TRIM59: variants seen among roughly 807,000 people sequenced by gnomAD.
The protein encoded by TRIM59 is tripartite motif containing 59, also known as tripartite motif-containing protein 59.
A neutral mutation model predicts 32.2 loss-of-function variants in TRIM59; 14 were observed. That is an observed-to-expected ratio of 0.43 (90% CI 0.29 to 0.68). The LOEUF (loss-of-function observed/expected upper bound fraction) is 0.68. Ranked by LOEUF, TRIM59 falls within the 30% of genes least tolerant of loss-of-function variation. The probability of loss-of-function intolerance (pLI) is 0.15; values close to 1 mark genes in which losing one functional copy is unlikely to be tolerated. For synonymous variants in TRIM59, 163 were observed against 155.1 expected, an observed-to-expected ratio of 1.05 and a Z score of -0.38; for missense variants, 471 against 463.3, an observed-to-expected ratio of 1.02 and a Z score of -0.15.
Position 160,437,914 on chromosome 3 carries a change from C to G in TRIM59, c.*58G>C. ...AGTTTGCTCTTTATCCATGCTACCC[C>G]ATTTTTTGTTTAGCAATGTACAGAA... On this transcript the variant is annotated 3_prime_UTR_variant, in exon 3 of 3. Coordinates refer to ENST00000309784, the MANE Select transcript of TRIM59 (RefSeq NM_173084.3). The G allele has an allele frequency of 6.9e-7, 1 of 1,439,596 alleles. No individual in the cohort carries two copies. The highest frequency in any genetic ancestry group is 9.1e-7 in the Non-Finnish European group (1 of 1,097,414). 89.2% of individuals were successfully genotyped at this position (1,439,596 alleles called of 1,614,324 possible).
chr3:160,443,797 G>A (rs1017006800), intron 2 of TRIM59, among the ~76,000 whole-genome samples: 1 of 151,968 alleles, frequency 6.6e-6, no homozygotes, highest in Non-Finnish European at 1.5e-5. Flanking sequence ...CCGCCACCAC[G>A]CCCAGCTAAT....
Position 160,437,825 on chromosome 3 carries a change from G to T in TRIM59, c.*147C>A. 1 of 1,279,658 alleles carries T rather than the reference G, an allele frequency of 7.8e-7. No individual in the cohort carries two copies. Among genetic ancestry groups the T allele is most frequent in the East Asian group, 3.0e-5 (1 of 33,398 alleles). 79.3% of individuals were successfully genotyped at this position (1,279,658 alleles called of 1,614,324 possible). On this transcript the variant is annotated 3_prime_UTR_variant, in exon 3 of 3. Coordinates refer to ENST00000309784, the MANE Select transcript of TRIM59 (RefSeq NM_173084.3). ...TCAGATATAACTTTGACATATCATT[G>T]CTAACCAAAAGAAGCAACAAATATA...
At chr3:160,449,417 C>T in intron 1 of TRIM59, 1 of 1,083,578 alleles carries the variant, frequency 9.2e-7, no homozygotes, top group Non-Finnish European at 1.2e-6. Context: ...CCTCGGCACC[C>T]GCCCGTCCCC....
At position 160,436,615 on chromosome 3, in the gene TRIM59, A is replaced by C. The variant is rs1432350385; in HGVS notation, c.*1357T>G. 1 of 726,680 alleles carries C rather than the reference A, an allele frequency of 1.4e-6. No individual in the cohort carries two copies. The highest frequency in any genetic ancestry group is 1.7e-6 in the Non-Finnish European group (1 of 593,372). 45.0% of individuals were successfully genotyped at this position (726,680 alleles called of 1,614,324 possible). A position where few individuals can be genotyped will look rare whatever the true frequency, so the allele number is the denominator to read the frequency against. On this transcript the variant is annotated 3_prime_UTR_variant, in exon 3 of 3. Transcript: ENST00000309784. ...AGATAGAGACCATCCTGGCTAACACAGTGAAACCCCATCTCTACTAAAAAT... is the reference window on the plus strand; with the variant it reads ...AGATAGAGACCATCCTGGCTAACACCGTGAAACCCCATCTCTACTAAAAAT...
chr3:160,437,012 A>T lies in TRIM59; in HGVS notation c.*960T>A. The T allele has an allele frequency of 5.1e-6, 5 of 984,820 alleles. No individual in the cohort carries two copies. Among genetic ancestry groups the T allele is most frequent in the Non-Finnish European group, 6.0e-6 (5 of 829,750 alleles). The allele number at this position is 984,820 out of a possible 1,614,324, so 61.0% of individuals were successfully genotyped here. ...GATTTGACTGACGAGCAGAAAAAAA[A>T]ACAATCTTAAATTTGCACAAACTAT... On this transcript the variant is annotated 3_prime_UTR_variant, in exon 3 of 3. Coordinates refer to ENST00000309784, the MANE Select transcript of TRIM59 (RefSeq NM_173084.3).
rs200991863 is a variant in TRIM59, at chr3:160,438,807, T to C, written c.377A>G (p.His126Arg). The C allele has an allele frequency of 6.9e-5, 111 of 1,613,782 alleles. No homozygotes were observed. Among genetic ancestry groups the C allele is most frequent in the Non-Finnish European group, 9.3e-5 (110 of 1,179,856 alleles). ...VCGHCLTIGQHHGHPIDDLQS... is the reference protein window; with the variant it reads ...VCGHCLTIGQRHGHPIDDLQS... The stretch of plus-strand genomic sequence containing the variant: ...AAGGTCATCTATAGGATGACCATGA[T>C]GTTGACCTATGGTAAGGCAATGACC... Residue 126 changes from histidine to arginine, a missense_variant, in exon 3 of 3, where the codon CAT (histidine) becomes CGT (arginine). His to Arg is a conservative substitution (Grantham distance 29, BLOSUM62 0). Coordinates refer to ENST00000309784, the MANE Select transcript of TRIM59 (RefSeq NM_173084.3).
chr3:160,438,365 T>G lies in TRIM59; in HGVS notation c.819A>C (p.Gln273His). 6.2e-7 allele frequency: 1 copy of G among 1,613,808 alleles called. No individual in the cohort carries two copies. Among genetic ancestry groups the G allele is most frequent in the Non-Finnish European group, 8.5e-7 (1 of 1,179,952 alleles). The stretch of plus-strand genomic sequence containing the variant: ...TTACTCGAGGATAAATTTCAACGGG[T>G]TGAACCTCAGGAAGTGGTCTTTGTT... ...ILKQRPLPEV[Q>H]PVEIYPRVSK... Residue 273 changes from glutamine (Q) to histidine (H), a missense_variant, in exon 3 of 3, where the codon CAA becomes CAC. By Grantham distance (24) the Gln-to-His change is conservative (BLOSUM62 0). Coordinates refer to ENST00000309784, the MANE Select transcript of TRIM59 (RefSeq NM_173084.3).
intron 2 of TRIM59, among the ~76,000 whole-genome samples, chr3:160,447,168 T>G (rs926421430): frequency 2.0e-5 from 3 of 152,232 alleles, no homozygotes; most frequent in Non-Finnish European, 4.4e-5. Context: ...TTAAAAAATT[T>G]TCAAGCGTCT....
chr3:160,444,687 G>A (rs539986922), intron 2 of TRIM59, among the ~76,000 whole-genome samples: 11 of 152,354 alleles, frequency 7.2e-5, no homozygotes, highest in African/African-American at 2.6e-4. Context: ...TAGTTTGGCA[G>A]GTTGCTGCCT....
rs981114499 is a variant in TRIM59, at chr3:160,449,763, C to T, written c.-120G>A. On this transcript the variant is annotated 5_prime_UTR_variant, in exon 1 of 3. Coordinates refer to ENST00000309784, the MANE Select transcript of TRIM59 (RefSeq NM_173084.3). ...GCAACTCCACAGCACGGAAACACAG[C>T]GCCACGAGCTCCAGGCGGATGCTGA... is the stretch of plus-strand genomic sequence containing the variant. 6 of 1,281,822 alleles carry T rather than the reference C, an allele frequency of 4.7e-6. No homozygotes were observed. The African/African-American group carries it at 6.1e-5, about 13-fold the overall frequency. 79.4% of individuals were successfully genotyped at this position (1,281,822 alleles called of 1,614,324 possible).
rs1305650720 is a variant in TRIM59 at position 160,436,338 on chromosome 3, T to A, written c.*1634A>T. On this transcript the variant is annotated 3_prime_UTR_variant, in exon 3 of 3. Coordinates refer to ENST00000309784, the MANE Select transcript of TRIM59 (RefSeq NM_173084.3). ...TGATATAGGTAAGGCTCTTCGGTGA[T>A]CCAAGAGCAGCCCCTTTGGGATTTC... 1.0e-6 allele frequency: 1 copy of A among 985,978 alleles called. No individual in the cohort carries two copies. The highest frequency in any genetic ancestry group is 1.2e-6 in the Non-Finnish European group (1 of 830,144). The allele number at this position is 985,978 out of a possible 1,614,324, so 61.1% of individuals were successfully genotyped here. A position where few individuals can be genotyped will look rare whatever the true frequency, so the allele number is the denominator to read the frequency against.
chr3:160,437,407 T>C lies in TRIM59; in HGVS notation c.*565A>G, dbSNP rs575514982. On this transcript the variant is annotated 3_prime_UTR_variant, in exon 3 of 3. Transcript: ENST00000309784. ...TCTAACAGTTATCCAAAAGCAATAG[T>C]TTTATTTGGAGTGAATGGTGATAAG... 127 of 985,426 alleles carry C rather than the reference T, an allele frequency of 1.3e-4. No individual in the cohort carries two copies. The African/African-American group carries it at 2.2e-3, about 17-fold the overall frequency. 61.0% of individuals were successfully genotyped at this position (985,426 alleles called of 1,614,324 possible). A position where few individuals can be genotyped will look rare whatever the true frequency, so the allele number is the denominator to read the frequency against.
chr3:160,437,456 T>A lies in TRIM59; in HGVS notation c.*516A>T. ...AGCATTTAGGGCTCTTAAATCTATC[T>A]CAAACACAGGTATGTTTGATCAAAA... On this transcript the variant is annotated 3_prime_UTR_variant, in exon 3 of 3. Transcript: ENST00000309784. 1 of 985,428 alleles carries A rather than the reference T, an allele frequency of 1.0e-6. No homozygotes were observed. The allele number at this position is 985,428 out of a possible 1,614,324, so 61.0% of individuals were successfully genotyped here. A position where few individuals can be genotyped will look rare whatever the true frequency, so the allele number is the denominator to read the frequency against.
At chr3:160,444,128 A>G (rs1215626211) in intron 2 of TRIM59, among the ~76,000 whole-genome samples, 1 of 152,198 alleles carries the variant, frequency 6.6e-6, no homozygotes, top group East Asian at 1.9e-4. Flanking sequence ...CCAAAGAGTA[A>G]CAAAATTATA....
Position 160,437,577 on chromosome 3 carries a change from C to T in TRIM59, c.*395G>A. The T allele has an allele frequency of 1.0e-6, 1 of 986,988 alleles. No homozygotes were observed. The highest frequency in any genetic ancestry group is 1.2e-6 in the Non-Finnish European group (1 of 831,192). 61.1% of individuals were successfully genotyped at this position (986,988 alleles called of 1,614,324 possible). A position where few individuals can be genotyped will look rare whatever the true frequency, so the allele number is the denominator to read the frequency against. On this transcript the variant is annotated 3_prime_UTR_variant, in exon 3 of 3. Coordinates refer to ENST00000309784, the MANE Select transcript of TRIM59 (RefSeq NM_173084.3). ...TCACCCATTCAAAAGCTTCAAGCCACATCAAAATAAAGGTATATGTTCTTT... is the reference window on the plus strand; with the variant it reads ...TCACCCATTCAAAAGCTTCAAGCCATATCAAAATAAAGGTATATGTTCTTT...
At position 160,437,495 on chromosome 3, in the gene TRIM59, T is replaced by C. The variant is rs1245984478; in HGVS notation, c.*477A>G. ...GTTTGATCAAAAGATCTTTAAGCCA[T>C]GCCTTATCACTTTAAGACTTTGTTG... On this transcript the variant is annotated 3_prime_UTR_variant, in exon 3 of 3. Transcript: ENST00000309784. The C allele has an allele frequency of 6.1e-6, 6 of 985,560 alleles. No individual in the cohort carries two copies. The highest frequency in any genetic ancestry group is 4.7e-5 in the South Asian group (1 of 21,290). 61.1% of individuals were successfully genotyped at this position (985,560 alleles called of 1,614,324 possible).
intron 2 of TRIM59, among the ~76,000 whole-genome samples, chr3:160,445,889 CT>C (rs1007767687): frequency 1.3e-5 from 2 of 152,026 alleles, no homozygotes; most frequent in Admixed American, 1.3e-4. Flanking sequence ...CCATGGCTCA[CT>C]GCAGCCTCAA....
At chr3:160,442,352 C>A (rs1032746410) in intron 2 of TRIM59, among the ~76,000 whole-genome samples, 3 of 152,098 alleles carry the variant, frequency 2.0e-5, no homozygotes, top group Non-Finnish European at 2.9e-5. Flanking sequence ...CAGGCCAAAG[C>A]AGGTGGATCA....
chr3:160,442,112 G>T (rs184711513), intron 2 of TRIM59, among the ~76,000 whole-genome samples: 14 of 152,100 alleles, frequency 9.2e-5, no homozygotes, highest in Non-Finnish European at 1.5e-4. Flanking sequence ...TTGAGCAGTC[G>T]ACGTACATTT....
Sources: allele counts gnomAD v4.1 joint callset (sites outside exome capture counted in the v4.1 genomes callset), GRCh38; gene constraint gnomAD v4.1.1; transcripts MANE v1.5; gene names NCBI Gene and HGNC (gene_info 2026-07-23, HGNC 2026-07-21).